Variants in CNTN6 observed in about 807,000 individuals in gnomAD.
CNTN6 encodes the protein contactin 6, also known as contactin-6.
A neutral mutation model predicts 122.8 loss-of-function variants in CNTN6; 137 were observed. That is an observed-to-expected ratio of 1.12 (90% CI 0.97 to 1.29). CNTN6 has a LOEUF of 1.29. Among genes scored for constraint, CNTN6 ranks in the 50% most tolerant of loss-of-function variants. The pLI, the probability that CNTN6 is intolerant of heterozygous loss-of-function variation, is 0.00. For missense variants in CNTN6, 1,634 were observed against 1,223.4 expected, an observed-to-expected ratio of 1.34 and a Z score of -5.01; for synonymous variants, 570 against 426.0, an observed-to-expected ratio of 1.34 and a Z score of -4.16.
intron 7 of CNTN6, among the ~76,000 whole-genome samples, chr3:1,313,792 T>A (rs776022874): frequency 6.6e-6 from 1 of 152,138 alleles, no homozygotes; most frequent in Non-Finnish European, 1.5e-5. Context: ...TCACAAGTTC[T>A]GGAGGCTGGG....
chr3:1,141,975 G>A (rs1174881405), intron 1 of CNTN6, among the ~76,000 whole-genome samples: 1 of 152,072 alleles, frequency 6.6e-6, no homozygotes, highest in Admixed American at 6.6e-5. Context: ...GTAAAAGATA[G>A]ATAAGAGAAT....
intron 2 of CNTN6, among the ~76,000 whole-genome samples, chr3:1,149,667 G>A (rs537945827): frequency 3.8e-4 from 58 of 152,100 alleles, no homozygotes; most frequent in African/African-American, 1.4e-3. Context: ...AAAGATTTGG[G>A]GTTAAATAAT....
chr3:1,217,816 G>A (rs766601590), intron 2 of CNTN6, among the ~76,000 whole-genome samples: 10 of 152,162 alleles, frequency 6.6e-5, no homozygotes, highest in African/African-American at 1.7e-4. Flanking sequence ...GGCTGAGGCC[G>A]GGTATTCTCC....
intron 6 of CNTN6, among the ~76,000 whole-genome samples, chr3:1,297,454 G>A (rs974151990): frequency 1.1e-4 from 16 of 152,050 alleles, no homozygotes; most frequent in African/African-American, 3.9e-4. Context: ...AATTCGTATA[G>A]GTATACAGCA....
intron 20 of CNTN6, among the ~76,000 whole-genome samples, chr3:1,397,453 T>C (rs568503431): frequency 1.6e-4 from 24 of 152,192 alleles, no homozygotes; most frequent in African/African-American, 5.8e-4. Flanking sequence ...ATACTAGTAT[T>C]ATTAAACAAA....
At chr3:1,113,236 A>C (rs2091564596) in intron 1 of CNTN6, among the ~76,000 whole-genome samples, 1 of 152,182 alleles carries the variant, frequency 6.6e-6, no homozygotes, top group South Asian at 2.1e-4. Context: ...CACAAGGTCT[A>C]ATTACTTTGG....
At chr3:1,273,374 C>T (rs1006565047) in intron 4 of CNTN6, among the ~76,000 whole-genome samples, 2 of 152,132 alleles carry the variant, frequency 1.3e-5, no homozygotes, top group Non-Finnish European at 1.5e-5. Context: ...TTCTCTCTGG[C>T]CTCTCCTTGT....
intron 10 of CNTN6, among the ~76,000 whole-genome samples, chr3:1,328,746 G>A (rs1701872865): frequency 6.6e-6 from 1 of 151,678 alleles, no homozygotes; most frequent in African/African-American, 2.4e-5. Flanking sequence ...AAGCCCAGAA[G>A]CAAGAGAGCA....
chr3:1,098,490 CAATAAAATAAAAA>C (rs1234910688), intron 1 of CNTN6, among the ~76,000 whole-genome samples: 1 of 151,078 alleles, frequency 6.6e-6, no homozygotes, highest in African/African-American at 2.4e-5. Context: ...ATAGAGAAAA[CAATAAAATAAAAA>C]ATAAAGACCT....
intron 1 of CNTN6, among the ~76,000 whole-genome samples, chr3:1,117,646 T>G (rs1452378098): frequency 6.6e-6 from 1 of 152,190 alleles, no homozygotes; most frequent in African/African-American, 2.4e-5. Context: ...AGTTCCAAGC[T>G]TCTCTCCTTC....
chr3:1,348,260 C>A (rs1397927547), intron 11 of CNTN6, among the ~76,000 whole-genome samples: 1 of 150,042 alleles, frequency 6.7e-6, no homozygotes, highest in Non-Finnish European at 1.5e-5. Context: ...AGTTTGTCCT[C>A]AAAGCCCAAG....
chr3:1,374,983 A>T (rs1488821282), intron 16 of CNTN6, among the ~76,000 whole-genome samples: 1 of 152,102 alleles, frequency 6.6e-6, no homozygotes, highest in African/African-American at 2.4e-5. Flanking sequence ...GAGGAAAATG[A>T]ACACCAGGAT....
intron 1 of CNTN6, among the ~76,000 whole-genome samples, chr3:1,144,285 G>A (rs1474517618): frequency 3.3e-5 from 5 of 152,130 alleles, no homozygotes; most frequent in South Asian, 4.2e-4. Flanking sequence ...TGAGATAAAC[G>A]ATACAGGGGA....
chr3:1,158,755 C>T (rs1412323047), intron 2 of CNTN6, among the ~76,000 whole-genome samples: 2 of 116,046 alleles, frequency 1.7e-5, no homozygotes, highest in African/African-American at 3.0e-5. Context: ...TATATATATA[C>T]ATATATATAC....
chr3:1,383,196 G>C lies in CNTN6; in HGVS notation c.2401+20G>C. The C allele has an allele frequency of 6.2e-7, 1 of 1,604,942 alleles. No individual in the cohort carries two copies. The highest frequency in any genetic ancestry group is 8.5e-7 in the Non-Finnish European group (1 of 1,171,980). ...AAGATGGTAAGTTGTCCTCAACTCT[G>C]GTTTTCTTTGAGACTCTATGCATAG... On this transcript the variant is annotated intron_variant, in intron 18 of 22. Coordinates refer to ENST00000446702, the MANE Select transcript of CNTN6 (RefSeq NM_001289080.2).
At chr3:1,235,834 T>C (rs2094414284) in intron 4 of CNTN6, among the ~76,000 whole-genome samples, 2 of 151,766 alleles carry the variant, frequency 1.3e-5, no homozygotes, top group South Asian at 4.2e-4. Context: ...GGTCACTAGC[T>C]GTCTGGAAAT....
intron 5 of CNTN6, among the ~76,000 whole-genome samples, chr3:1,286,973 A>G (rs1027058423): frequency 6.6e-6 from 1 of 152,190 alleles, no homozygotes; most frequent in African/African-American, 2.4e-5. Context: ...AGAGACAAAG[A>G]AGGTCATTAC....
chr3:1,265,764 T>G (rs2094916839), intron 4 of CNTN6, among the ~76,000 whole-genome samples: 1 of 152,188 alleles, frequency 6.6e-6, no homozygotes, highest in Admixed American at 6.5e-5. Flanking sequence ...CCATGTCCTC[T>G]GGAGCTCAGA....
intron 11 of CNTN6, among the ~76,000 whole-genome samples, chr3:1,337,043 T>C (rs1214551994): frequency 6.6e-6 from 1 of 152,124 alleles, no homozygotes; most frequent in Non-Finnish European, 1.5e-5. Flanking sequence ...CTTTTCTTCA[T>C]GGGTAAAATG....
Sources: allele counts gnomAD v4.1 joint callset (sites outside exome capture counted in the v4.1 genomes callset), GRCh38; gene constraint gnomAD v4.1.1; transcripts MANE v1.5; gene names NCBI Gene and HGNC (gene_info 2026-07-23, HGNC 2026-07-21).